PREX2: variants seen among roughly 807,000 people sequenced by gnomAD.
PREX2 encodes phosphatidylinositol-3,4,5-trisphosphate dependent Rac exchange factor 2.
A neutral mutation model predicts 203.2 loss-of-function variants in PREX2; 107 were observed. The ratio of observed to expected loss-of-function variants is 0.53; its 90% confidence interval spans 0.45 to 0.62. The LOEUF (loss-of-function observed/expected upper bound fraction) is 0.62, where lower values mean the gene tolerates loss of function less well. Ranked by LOEUF, PREX2 falls within the 20% of genes least tolerant of loss-of-function variation. The pLI, the probability that PREX2 is intolerant of heterozygous loss-of-function variation, is 0.00. For synonymous variants in PREX2, 672 were observed against 663.6 expected (o/e 1.01, Z -0.19); for missense variants, 1,777 against 1,955.9 (o/e 0.91, Z 1.72).
In PREX2 at chr8:68,097,123, C is replaced by A; in HGVS notation, c.2475C>A (p.Tyr825Ter). ...TGGAATATGGTGTCGTGTATGAGTA[C>A]GACAGCACAGCTGGCATCAAGTGCA... ...VHLEYGVVYE[Y>*]DSTAGIKCNV... The change falls in exon 22 of 40, where the codon TAC (tyrosine) becomes TAA (stop). Residue 825 changes from tyrosine (Y) to a stop codon, truncating the protein, a stop_gained. Transcript: ENST00000288368. LOFTEE classifies it high-confidence loss of function. 1 of 1,613,878 alleles carries A rather than the reference C, an allele frequency of 6.2e-7. No homozygotes were observed. Among genetic ancestry groups the A allele is most frequent in the Non-Finnish European group, 8.5e-7 (1 of 1,179,924 alleles).
intron 33 of PREX2, among the ~76,000 whole-genome samples, chr8:68,145,373 A>G (rs1585826567): frequency 6.6e-6 from 1 of 152,208 alleles, no homozygotes; most frequent in East Asian, 1.9e-4. Flanking sequence ...CATAAATGCC[A>G]TTTAACCTTG....
chr8:68,108,920 T>C (rs890442638), intron 24 of PREX2: 3 of 314,400 alleles, frequency 9.5e-6, no homozygotes, highest in African/African-American at 4.4e-5. Context: ...CTGGAAGATA[T>C]TATGTTAAAG....
At chr8:68,155,797 T>C (rs541024999) in intron 34 of PREX2, among the ~76,000 whole-genome samples, 1 of 152,226 alleles carries the variant, frequency 6.6e-6, no homozygotes, top group African/African-American at 2.4e-5. Context: ...CTCTCCAAAA[T>C]TTTTTAAATG....
chr8:68,206,088 G>T (rs935581648), intron 37 of PREX2, among the ~76,000 whole-genome samples: 1 of 152,102 alleles, frequency 6.6e-6, no homozygotes, highest in South Asian at 2.1e-4. Context: ...ATTAATCTAC[G>T]TGATTCGAAT....
Position 67,952,368 on chromosome 8 carries a change from G to A in PREX2, c.-27G>A. ...GGGTCAGCGCTCAGCACGGCGGGCA[G>A]CGCCGCGCTGCGCACCGCCGCCGAC... On this transcript the variant is annotated 5_prime_UTR_variant, in exon 1 of 40. Coordinates refer to ENST00000288368, the MANE Select transcript of PREX2 (RefSeq NM_024870.4). The A allele has an allele frequency of 1.3e-6, 2 of 1,511,444 alleles. No homozygotes were observed. The highest frequency in any genetic ancestry group is 1.8e-6 in the Non-Finnish European group (2 of 1,131,584). The allele number at this position is 1,511,444 out of a possible 1,614,324, so 93.6% of individuals were successfully genotyped here.
chr8:68,181,671 G>C (rs560454575), intron 35 of PREX2, among the ~76,000 whole-genome samples: 9 of 152,190 alleles, frequency 5.9e-5, no homozygotes, highest in Admixed American at 2.0e-4. Context: ...TACCATCCAT[G>C]ATGGATAATT....
At chr8:67,956,106 T>G (rs1805488274) in intron 1 of PREX2, among the ~76,000 whole-genome samples, 1 of 152,252 alleles carries the variant, frequency 6.6e-6, no homozygotes, top group Non-Finnish European at 1.5e-5. Flanking sequence ...ATAATTTGCT[T>G]GAATTTATGT....
rs1411317787 is a variant in PREX2, at chr8:68,231,623, T to TA, written c.*247dup. 6 of 359,350 alleles carry TA rather than the reference T, an allele frequency of 1.7e-5. No homozygotes were observed. The highest frequency in any genetic ancestry group is 2.5e-5 in the Non-Finnish European group (5 of 202,524). 22.3% of individuals were successfully genotyped at this position (359,350 alleles called of 1,614,324 possible). ...AACTGATGTCTCTCTGTATTGACAT[T>TA]AAGTATTCACTTTTAGAGTAAAATC... On this transcript the variant is annotated 3_prime_UTR_variant, in exon 40 of 40. Transcript: ENST00000288368.
At chr8:68,026,979 A>G (rs1283554018) in intron 4 of PREX2, among the ~76,000 whole-genome samples, 1 of 152,042 alleles carries the variant, frequency 6.6e-6, no homozygotes, top group African/African-American at 2.4e-5. Flanking sequence ...CTTTTTCCTC[A>G]GACTTCATAC....
chr8:67,983,392 C>A (rs1399838400), intron 1 of PREX2, among the ~76,000 whole-genome samples: 1 of 135,402 alleles, frequency 7.4e-6, no homozygotes, highest in Non-Finnish European at 1.6e-5. Context: ...TCATTTCCTT[C>A]ATCTCTCCAT....
intron 37 of PREX2, among the ~76,000 whole-genome samples, chr8:68,200,717 TAATA>T (rs1431768876): frequency 2.0e-5 from 3 of 152,106 alleles, no homozygotes; most frequent in Admixed American, 1.3e-4. Context: ...GAGCAAGGAT[TAATA>T]AATCAGTATA....
intron 6 of PREX2, among the ~76,000 whole-genome samples, chr8:68,032,045 G>T (rs916643765): frequency 1.3e-5 from 2 of 152,106 alleles, no homozygotes; most frequent in Non-Finnish European, 2.9e-5. Flanking sequence ...TTCCTTAAAA[G>T]TTATTGATAT....
In PREX2 at chr8:68,108,331, G is replaced by A. The variant is rs764136224; in HGVS notation, c.2938G>A (p.Gly980Arg). ...TAAAGAAAACAAATCTTCGGAGCAA[G>A]GTATGCTAGCTTTTGCAACTTTATC... ...HDKENKSSEQ[G>R]KLSPMVYIQH... Residue 980 changes from glycine to arginine, a missense_variant and splice_region_variant, in exon 24 of 40, where the codon GGG becomes AGG. Gly to Arg is a moderately radical substitution (Grantham distance 125). Coordinates refer to ENST00000288368, the MANE Select transcript of PREX2 (RefSeq NM_024870.4). 2 of 1,610,688 alleles carry A rather than the reference G, an allele frequency of 1.2e-6. No individual in the cohort carries two copies. The highest frequency in any genetic ancestry group is 8.5e-7 in the Non-Finnish European group (1 of 1,177,682).
Position 68,108,100 on chromosome 8 carries a change from A to C in PREX2, c.2716-9A>C, listed in dbSNP as rs375259555. The stretch of plus-strand genomic sequence containing the variant: ...TTCAACTGCTTTTTATGTTTTCTTT[A>C]ATTTGCAGTTTTCTCGTGTACTGAA... On this transcript the variant is annotated splice_polypyrimidine_tract_variant and intron_variant, in intron 23 of 39. Transcript: ENST00000288368. The C allele has an allele frequency of 1.3e-6, 2 of 1,590,960 alleles. No homozygotes were observed. Among genetic ancestry groups the C allele is most frequent in the African/African-American group, 2.7e-5 (2 of 73,902 alleles).
chr8:68,109,017 A>G (rs1024008227), intron 24 of PREX2: 1 of 453,094 alleles, frequency 2.2e-6, no homozygotes, highest in African/African-American at 2.0e-5. Flanking sequence ...AGAAGTAGAG[A>G]GTAGAATGGT....
chr8:68,105,682 T>G (rs80349714), intron 23 of PREX2: 3 of 73,622 alleles, frequency 4.1e-5, no homozygotes, highest in African/African-American at 1.5e-3. Flanking sequence ...ATATATGGAT[T>G]ATATATATAT....
At chr8:67,989,446 C>G (rs1247336494) in intron 1 of PREX2, among the ~76,000 whole-genome samples, 1 of 152,128 alleles carries the variant, frequency 6.6e-6, no homozygotes, top group Non-Finnish European at 1.5e-5. Context: ...CATTTATCTT[C>G]TCAACATTGA....
At chr8:67,974,450 G>A (rs1806013949) in intron 1 of PREX2, among the ~76,000 whole-genome samples, 1 of 151,962 alleles carries the variant, frequency 6.6e-6, no homozygotes, top group Non-Finnish European at 1.5e-5. Context: ...TATTTTAATA[G>A]GTATTATATA....
chr8:68,057,535 C>T (rs1186996342), intron 10 of PREX2, among the ~76,000 whole-genome samples: 1 of 152,162 alleles, frequency 6.6e-6, no homozygotes, highest in Non-Finnish European at 1.5e-5. Context: ...TACACATCTG[C>T]CAGTGAGCTA....
Sources: allele counts gnomAD v4.1 joint callset (sites outside exome capture counted in the v4.1 genomes callset), GRCh38; gene constraint gnomAD v4.1.1; transcripts MANE v1.5; gene names NCBI Gene and HGNC (gene_info 2026-07-23, HGNC 2026-07-21).